NLE1: variants seen among roughly 807,000 people sequenced by gnomAD.
The protein encoded by NLE1 is notchless protein homolog 1.
Under a neutral mutation model 62.8 loss-of-function variants are expected in NLE1, and 37 were observed. The ratio of observed to expected loss-of-function variants is 0.59; its 90% CI spans 0.45 to 0.78. NLE1 has a LOEUF of 0.78. Ranked by LOEUF, NLE1 falls within the 30% of genes least tolerant of loss-of-function variation. NLE1 has a pLI of 0.00. For synonymous variants in NLE1, 243 were observed against 253.0 expected (o/e 0.96, Z 0.37); for missense variants, 555 against 637.9 (o/e 0.87, Z 1.40).
chr17:35,130,475 C>A lies in NLE1; in HGVS notation c.*1962G>T. On this transcript the variant is annotated 3_prime_UTR_variant, in exon 13 of 13. Coordinates refer to ENST00000442241, the MANE Select transcript of NLE1 (RefSeq NM_018096.5). Reference sequence around the variant, plus strand: ...GACACCCCTCACCTACTTTCAGCTTCAACCCCAGGCCCTCAGAAACCAGAG... The same window carrying A: ...GACACCCCTCACCTACTTTCAGCTTAAACCCCAGGCCCTCAGAAACCAGAG... 6.3e-7 allele frequency: 1 copy of A among 1,591,262 alleles called. No homozygotes were observed. Among genetic ancestry groups the A allele is most frequent in the Non-Finnish European group, 8.6e-7 (1 of 1,166,828 alleles).
In NLE1 at chr17:35,136,945, A is replaced by G. The variant is rs558969345; in HGVS notation, c.828+56T>C. 4.8e-6 allele frequency: 7 copies of G among 1,471,254 alleles called. No individual in the cohort carries two copies. In the East Asian group the frequency reaches 1.4e-4, roughly 29 times the overall value. The allele number at this position is 1,471,254 out of a possible 1,614,324, so 91.1% of individuals were successfully genotyped here. On this transcript the variant is annotated intron_variant, in intron 7 of 12. Transcript: ENST00000442241. Reference sequence around the variant, plus strand: ...TGATGTCAAGGTCATTCTGAGTGCCAGCATCTTGTGACTTGCGATTTTCTG... The same window carrying G: ...TGATGTCAAGGTCATTCTGAGTGCCGGCATCTTGTGACTTGCGATTTTCTG...
intron 2 of NLE1, among the ~76,000 whole-genome samples, chr17:35,140,314 C>T (rs1427218683): frequency 2.6e-5 from 4 of 151,624 alleles, no homozygotes; most frequent in African/African-American, 7.3e-5. Context: ...CTGCAACCTC[C>T]GCGTCCTGGG....
chr17:35,129,439 C>T lies in NLE1; in HGVS notation c.*2998G>A, dbSNP rs2091862959. 1 of 1,613,882 alleles carries T rather than the reference C, an allele frequency of 6.2e-7. No homozygotes were observed. The highest frequency in any genetic ancestry group is 8.5e-7 in the Non-Finnish European group (1 of 1,179,880). On this transcript the variant is annotated 3_prime_UTR_variant, in exon 13 of 13. Coordinates refer to ENST00000442241, the MANE Select transcript of NLE1 (RefSeq NM_018096.5). ...TCCCCTAGATTTCCTGGACCTACGC[C>T]TTGGGCAAGCAGCCGGTCAGTTTCT...
chr17:35,141,319 G>C (rs1296873101), intron 2 of NLE1, among the ~76,000 whole-genome samples: 1 of 152,132 alleles, frequency 6.6e-6, no homozygotes, highest in East Asian at 1.9e-4. Flanking sequence ...AGGCCAAGGC[G>C]GGAGGATCAC....
intron 4 of NLE1, 36 bp from the exon 5 acceptor site, chr17:35,137,926 ATC>A: frequency 6.6e-7 from 1 of 1,516,494 alleles, no homozygotes; most frequent in South Asian, 1.1e-5. Context: ...AAGGGACTAC[ATC>A]TGTCTTTATC....
At position 35,139,891 on chromosome 17, in the gene NLE1, T is replaced by C; in HGVS notation, c.338A>G (p.His113Arg). 6.2e-7 allele frequency: 1 copy of C among 1,613,974 alleles called. No homozygotes were observed. The highest frequency in any genetic ancestry group is 8.5e-7 in the Non-Finnish European group (1 of 1,180,046). Residue 113 changes from histidine (H) to arginine (R), a missense_variant, in exon 3 of 13, where the codon CAC becomes CGC. His to Arg is a conservative substitution (Grantham distance 29). Coordinates refer to ENST00000442241, the MANE Select transcript of NLE1 (RefSeq NM_018096.5). The stretch of plus-strand genomic sequence containing the variant: ...GGCCACAGAAATGACTGCCTCACTG[T>C]GACCCTCCAAGGAGCTGGTGCAGCG... ...VTRCTSSLEGHSEAVISVAFS... is the reference protein window; with the variant it reads ...VTRCTSSLEGRSEAVISVAFS...
In NLE1 at chr17:35,135,331, C is replaced by A. The variant is rs1396371727; in HGVS notation, c.1132G>T (p.Val378Leu). Reference sequence around the variant, plus strand: ...ATGCGGGAGTCAGGAGAGAAGAGCACCTGGTTGATGAGAGCTTGGTGTCCT... The same window carrying A: ...ATGCGGGAGTCAGGAGAGAAGAGCAACTGGTTGATGAGAGCTTGGTGTCCT... ...MTGHQALINQ[V>L]LFSPDSRIVA... The change falls in exon 10 of 13, where the codon GTG (valine) becomes TTG (leucine). Residue 378 changes from valine (V) to leucine (L), a missense_variant. Coordinates refer to ENST00000442241, the MANE Select transcript of NLE1 (RefSeq NM_018096.5). 2 of 1,614,196 alleles carry A rather than the reference C, an allele frequency of 1.2e-6. No homozygotes were observed.
Position 35,132,414 on chromosome 17 carries a change from G to A in NLE1, c.*23C>T. ...TGGCAGAGGCCGAGTCGAGGTGGGG[G>A]TCAGAGAGAACTTCGGGCCGTCTCA... On this transcript the variant is annotated 3_prime_UTR_variant, in exon 13 of 13. Transcript: ENST00000442241. 2 of 1,447,028 alleles carry A rather than the reference G, an allele frequency of 1.4e-6. No individual in the cohort carries two copies. Among genetic ancestry groups the A allele is most frequent in the Non-Finnish European group, 1.8e-6 (2 of 1,097,084 alleles). The allele number at this position is 1,447,028 out of a possible 1,614,324, so 89.6% of individuals were successfully genotyped here.
rs758302050 is a variant in NLE1 at position 35,133,357 on chromosome 17, C to G, written c.1356G>C (p.Leu452=). The G allele has an allele frequency of 2.5e-5, 41 of 1,614,198 alleles. 1 individual carries two copies. The highest frequency in any genetic ancestry group is 2.0e-4 in the South Asian group (18 of 91,088). The change falls in exon 11 of 13, where the codon CTG becomes CTC. Residue 452 remains leucine, a synonymous_variant. Coordinates refer to ENST00000442241, the MANE Select transcript of NLE1 (RefSeq NM_018096.5). ...DVKAQKLAMD[L]PGHADEVYAV... The stretch of plus-strand genomic sequence containing the variant: ...GCCCTACCTCATCCGCGTGGCCGGG[C>G]AGGTCCATGGCCAGCTTCTGGGCCT...
At position 35,130,337 on chromosome 17, in the gene NLE1, T is replaced by C. The variant is rs770419514; in HGVS notation, c.*2100A>G. On this transcript the variant is annotated 3_prime_UTR_variant, in exon 13 of 13. Transcript: ENST00000442241. ...TTTCCTGAGAACTACCCCATCCAGA[T>C]CACCGTGCGGCGCAAGGAACCCCGG... 1.2e-6 allele frequency: 2 copies of C among 1,614,070 alleles called. No individual in the cohort carries two copies. Among genetic ancestry groups the C allele is most frequent in the South Asian group, 1.1e-5 (1 of 91,082 alleles).
In NLE1 at chr17:35,129,810, C is replaced by A; in HGVS notation, c.*2627G>T. The A allele has an allele frequency of 6.9e-7, 1 of 1,440,992 alleles. No individual in the cohort carries two copies. The highest frequency in any genetic ancestry group is 2.5e-5 in the East Asian group (1 of 39,832). 89.3% of individuals were successfully genotyped at this position (1,440,992 alleles called of 1,614,324 possible). The stretch of plus-strand genomic sequence containing the variant: ...GTCAAGAAGCATCAATTCCAGAATG[C>A]ATGCTTCTGGGAGGTTTAAGGATTA... On this transcript the variant is annotated 3_prime_UTR_variant, in exon 13 of 13. Coordinates refer to ENST00000442241, the MANE Select transcript of NLE1 (RefSeq NM_018096.5).
intron 2 of NLE1, among the ~76,000 whole-genome samples, chr17:35,141,336 A>C (rs2142511426): frequency 6.6e-6 from 1 of 152,286 alleles, no homozygotes; most frequent in Non-Finnish European, 1.5e-5. Context: ...TCACGAGGTC[A>C]AGAGATCGAG....
intron 9 of NLE1, 43 bp from the exon 10 acceptor site, chr17:35,135,494 AAAG>A (rs781568069): frequency 1.5e-5 from 24 of 1,594,600 alleles, no homozygotes; most frequent in South Asian, 3.3e-5. Context: ...GTGGTCTCAG[AAAG>A]AAGGAGGAGG....
In NLE1 at chr17:35,129,275, C is replaced by A; in HGVS notation, c.*3162G>T. On this transcript the variant is annotated 3_prime_UTR_variant, in exon 13 of 13. Transcript: ENST00000442241. The stretch of plus-strand genomic sequence containing the variant: ...GGCAGGGGTTCCACACTCAGTGCTG[C>A]AGTACCTTGCACCTTCCATCTGACC... The A allele has an allele frequency of 1.0e-6, 1 of 985,666 alleles. No homozygotes were observed. The highest frequency in any genetic ancestry group is 1.5e-6 in the Non-Finnish European group (1 of 659,878). 61.1% of individuals were successfully genotyped at this position (985,666 alleles called of 1,614,324 possible). A position where few individuals can be genotyped will look rare whatever the true frequency, so the allele number is the denominator to read the frequency against.
intron 1 of NLE1, 65 bp downstream of exon 1, chr17:35,142,193 G>T (rs924397856): frequency 1.3e-6 from 2 of 1,592,014 alleles, no homozygotes; most frequent in Non-Finnish European, 1.7e-6. Flanking sequence ...CCTCTCTCAG[G>T]CCTCAGGGAC....
In NLE1 at chr17:35,137,044, G is replaced by C; in HGVS notation, c.785C>G (p.Ser262Cys). ...TTTGATGGTGCGGTCCTGGGAGGCA[G>C]AGTAGAGAAGCCCGTCCCCTCCCCA... The part of the protein sequence containing the change: ...LRWGGDGLLY[S>C]ASQDRTIKVW... Residue 262 changes from serine to cysteine, a missense_variant, in exon 7 of 13, where the codon TCT becomes TGT. Coordinates refer to ENST00000442241, the MANE Select transcript of NLE1 (RefSeq NM_018096.5). 1 of 1,613,826 alleles carries C rather than the reference G, an allele frequency of 6.2e-7. No individual in the cohort carries two copies. Among genetic ancestry groups the C allele is most frequent in the Non-Finnish European group, 8.5e-7 (1 of 1,179,784 alleles).
Position 35,136,464 on chromosome 17 carries a change from G to A in NLE1, c.862C>T (p.His288Tyr). 6.2e-7 allele frequency: 1 copy of A among 1,614,094 alleles called. No individual in the cohort carries two copies. Among genetic ancestry groups the A allele is most frequent in the Non-Finnish European group, 8.5e-7 (1 of 1,179,960 alleles). ...CTGAGGGCCATGGTGTTCACCCAGT[G>A]GCCGTGGCCTTGCAGAGTCCGGCAC... ...VLCRTLQGHG[H>Y]WVNTMALSTD... The change falls in exon 8 of 13, where the codon CAC becomes TAC. Residue 288 changes from histidine to tyrosine, a missense_variant. Coordinates refer to ENST00000442241, the MANE Select transcript of NLE1 (RefSeq NM_018096.5).
Position 35,133,214 on chromosome 17 carries a change from C to A in NLE1, c.1402G>T (p.Gly468Cys). ...EVYAVDWSPD[G>C]QRVASGGKDK... ...TTCCCACCACTTGCCACTCTCTGGC[C>A]ATCTGGACTCCAGTCAACAGCATAT... Residue 468 changes from glycine (G) to cysteine (C), a missense_variant, in exon 12 of 13, where the codon GGC (glycine) becomes TGC (cysteine). Physicochemically the swap from Gly to Cys is radical, Grantham distance 159. Transcript: ENST00000442241. 6.2e-7 allele frequency: 1 copy of A among 1,614,242 alleles called. No homozygotes were observed. The highest frequency in any genetic ancestry group is 8.5e-7 in the Non-Finnish European group (1 of 1,180,046).
chr17:35,135,695 GA>G (rs965845604), intron 9 of NLE1, among the ~76,000 whole-genome samples: 3 of 152,114 alleles, frequency 2.0e-5, no homozygotes, highest in African/African-American at 7.2e-5. Flanking sequence ...CATAATTACA[GA>G]AAAAGGCACA....
Sources: gnomAD v4.1 joint callset for allele counts (sites outside exome capture counted in the v4.1 genomes callset) on GRCh38, gnomAD v4.1.1 for gene constraint, MANE v1.5 for transcripts, NCBI Gene and HGNC (gene_info 2026-07-23, HGNC 2026-07-21) for gene names.